RBM41: variants seen among roughly 807,000 people sequenced by gnomAD.
RBM41 encodes the protein RNA binding motif protein 41, also known as RNA-binding protein 41.
RBM41 carries 14 observed loss-of-function variants against 30.8 expected under a neutral mutation model. That is an observed-to-expected ratio of 0.45 (90% confidence interval 0.30 to 0.71). RBM41 has a LOEUF of 0.71. RBM41 is among the 30% of genes least tolerant of loss of function. The pLI, the probability that RBM41 is intolerant of heterozygous loss-of-function variation, is 0.08. For missense variants in RBM41, 276 were observed against 326.3 expected (o/e 0.85, Z 1.19); for synonymous variants, 120 against 110.1 (o/e 1.09, Z -0.56).
At chrX:107,115,298 G>C in intron 4 of RBM41, 54 bp downstream of exon 4, 1 of 1,145,370 alleles carries the variant, frequency 8.7e-7, no homozygotes, top group East Asian at 3.0e-5. Context: ...ATGCCCTGCT[G>C]TTTAATCTTT....
intron 7 of RBM41, 58 bp from the exon 8 acceptor site, chrX:107,067,751 C>T: frequency 9.0e-7 from 1 of 1,105,150 alleles, no homozygotes; most frequent in South Asian, 2.6e-5. Flanking sequence ...AATTCTATTC[C>T]AGGTTTAGTT....
At chrX:107,083,488 T>G (rs1003633144) in intron 6 of RBM41, among the ~76,000 whole-genome samples, 1 of 111,266 alleles carries the variant, frequency 9.0e-6, no homozygotes, top group Non-Finnish European at 1.9e-5. Context: ...CTTCAAATAT[T>G]TCTTCTCCTT....
At chrX:107,117,652 G>T (rs5962786) in intron 1 of RBM41, among the ~76,000 whole-genome samples, 26,454 of 111,147 alleles carry the variant, frequency 0.24, 2,566 homozygotes, top group East Asian at 0.47. Flanking sequence ...CAATAGAAAC[G>T]CCAGCATGAA....
intron 5 of RBM41, among the ~76,000 whole-genome samples, chrX:107,090,098 G>A (rs777266441): frequency 1.6e-3 from 176 of 111,977 alleles, no homozygotes; most frequent in Non-Finnish European, 2.7e-3. Flanking sequence ...AATGGAGGCC[G>A]GGCGTGGTGG....
chrX:107,103,487 C>CAG (rs746246521), intron 5 of RBM41, among the ~76,000 whole-genome samples: 19 of 111,007 alleles, frequency 1.7e-4, no homozygotes, highest in East Asian at 8.5e-4. Context: ...CTAGAGCCTG[C>CAG]AGAGAGAGCA....
At chrX:107,091,957 T>G (rs1019167933) in intron 5 of RBM41, among the ~76,000 whole-genome samples, 2 of 111,959 alleles carry the variant, frequency 1.8e-5, no homozygotes, top group Admixed American at 1.9e-4. Context: ...CATACTGTTA[T>G]GAATAATGTC....
At position 107,065,720 on chromosome X, in the gene RBM41, T is replaced by C. The variant is rs752507739; in HGVS notation, c.*1807A>G. The C allele has an allele frequency of 8.7e-7, 1 of 1,143,561 alleles. No homozygotes were observed. The highest frequency in any genetic ancestry group is 1.2e-6 in the Non-Finnish European group (1 of 861,968). 94.2% of individuals were successfully genotyped at this position (1,143,561 alleles called of 1,213,427 possible). ...GTCTTACCATCTGGAGTCAGTTCTT[T>C]AGTACAAGACAGTTTTGCTTCCACT... On this transcript the variant is annotated 3_prime_UTR_variant, in exon 8 of 8. Coordinates refer to ENST00000685964, the MANE Select transcript of RBM41 (RefSeq NM_001324242.2).
At chrX:107,053,216 T>C in the RBM41 span, among the ~76,000 whole-genome samples, 1 of 113,480 alleles carries the variant, frequency 8.8e-6, no homozygotes, top group Non-Finnish European at 1.9e-5. Flanking sequence ...ACGACATGAT[T>C]GTATAAATCT....
In RBM41 at chrX:107,064,779, T is replaced by C. The variant is rs1020719265; in HGVS notation, c.*2748A>G. 4 of 111,914 alleles carry C rather than the reference T, an allele frequency of 3.6e-5. No individual in the cohort carries two copies. The highest frequency in any genetic ancestry group is 1.3e-4 in the African/African-American group (4 of 30,803). The allele number at this position is 111,914 out of a possible 1,213,427, so 9.2% of individuals were successfully genotyped here. ...TGGGTGGAAAGTTCTATAGATGTCT[T>C]TTAGGTCAATTTGCCTTATAATGTT... On this transcript the variant is annotated 3_prime_UTR_variant, in exon 8 of 8. Coordinates refer to ENST00000685964, the MANE Select transcript of RBM41 (RefSeq NM_001324242.2).
At chrX:107,105,678 CA>C (rs1195524359) in intron 5 of RBM41, among the ~76,000 whole-genome samples, 11 of 110,889 alleles carry the variant, frequency 9.9e-5, no homozygotes, top group Non-Finnish European at 9.4e-5. Flanking sequence ...AGATATAGAC[CA>C]ATGGAACACA....
intron 7 of RBM41, 140 bp downstream of exon 7, chrX:107,069,115 T>C (rs1474981133): frequency 5.3e-6 from 3 of 567,055 alleles, no homozygotes; most frequent in African/African-American, 2.3e-5. Context: ...AAAGAAACAC[T>C]GAAAACATAT....
At chrX:107,105,307 AC>A (rs1216099282) in intron 5 of RBM41, among the ~76,000 whole-genome samples, 2 of 107,709 alleles carry the variant, frequency 1.9e-5, no homozygotes, top group African/African-American at 3.4e-5. Context: ...AATCCAACTT[AC>A]AAGGGATGTG....
intron 5 of RBM41, among the ~76,000 whole-genome samples, chrX:107,104,505 T>G (rs1453201973): frequency 1.8e-5 from 2 of 111,545 alleles, no homozygotes; most frequent in Non-Finnish European, 3.8e-5. Context: ...ATATCAAAAA[T>G]ATTAACATAT....
At chrX:107,104,894 G>A (rs991881134) in intron 5 of RBM41, among the ~76,000 whole-genome samples, 3 of 110,779 alleles carry the variant, frequency 2.7e-5, no homozygotes, top group Non-Finnish European at 3.8e-5. Context: ...ATCTATGACA[G>A]ACCCACAGCC....
intron 5 of RBM41, among the ~76,000 whole-genome samples, chrX:107,095,697 A>C (rs1207956094): frequency 8.9e-6 from 1 of 111,919 alleles, no homozygotes; most frequent in Non-Finnish European, 1.9e-5. Context: ...CAAGAACATG[A>C]AAATCATTAA....
At position 107,088,843 on chromosome X, in the gene RBM41, G is replaced by T; in HGVS notation, c.596-4C>A. On this transcript the variant is annotated splice_polypyrimidine_tract_variant and splice_region_variant and intron_variant, in intron 5 of 7. Transcript: ENST00000685964. ...TTGTTCTTCTTTTGGGGTTCATCTG[G>T]ATCAAGACAAAGAGATAGGGAAGTT... The T allele has an allele frequency of 8.4e-7, 1 of 1,192,755 alleles. No individual in the cohort carries two copies. The highest frequency in any genetic ancestry group is 1.1e-6 in the Non-Finnish European group (1 of 884,942).
At position 107,088,859 on chromosome X, in the gene RBM41, T is replaced by C. The variant is rs371544074; in HGVS notation, c.596-20A>G. On this transcript the variant is annotated intron_variant, in intron 5 of 7. Coordinates refer to ENST00000685964, the MANE Select transcript of RBM41 (RefSeq NM_001324242.2). ...GTTCATCTGGATCAAGACAAAGAGA[T>C]AGGGAAGTTCTACAAAGCCTACCAA... 2.6e-6 allele frequency: 3 copies of C among 1,175,955 alleles called. No homozygotes were observed. The highest frequency in any genetic ancestry group is 3.6e-5 in the African/African-American group (2 of 56,046).
chrX:107,075,013 T>G (rs931939043), intron 6 of RBM41, among the ~76,000 whole-genome samples: 25 of 111,721 alleles, frequency 2.2e-4, no homozygotes, highest in Non-Finnish European at 2.3e-4. Flanking sequence ...CACAACATAT[T>G]ACAAAGCTAC....
chrX:107,069,131 G>C, intron 7 of RBM41, 124 bp downstream of exon 7: 1 of 644,135 alleles, frequency 1.6e-6, no homozygotes. Flanking sequence ...CATATTTTTC[G>C]TTCATTGTCT....
Sources: gnomAD v4.1 joint callset for allele counts (sites outside exome capture counted in the v4.1 genomes callset) on GRCh38, gnomAD v4.1.1 for gene constraint, MANE v1.5 for transcripts, NCBI Gene and HGNC (gene_info 2026-07-23, HGNC 2026-07-21) for gene names.